PIP5K1B: variants seen among roughly 807,000 people sequenced by gnomAD.
PIP5K1B encodes the protein phosphatidylinositol-4-phosphate 5-kinase type 1 beta.
Under a neutral mutation model 67.0 loss-of-function variants are expected in PIP5K1B, and 42 were observed. The observed-to-expected ratio is 0.63, with a 90% CI of 0.49 to 0.81. PIP5K1B has a LOEUF of 0.81. Among genes scored for constraint, PIP5K1B ranks in the 30% least tolerant of loss-of-function variants. PIP5K1B has a pLI of 0.00. For synonymous variants in PIP5K1B, 214 were observed against 231.4 expected, an observed-to-expected ratio of 0.92 and a Z score of 0.68; for missense variants, 459 against 646.3, an observed-to-expected ratio of 0.71 and a Z score of 3.14.
chr9:68,835,047 G>A (rs1445180428), intron 4 of PIP5K1B, among the ~76,000 whole-genome samples: 2 of 152,192 alleles, frequency 1.3e-5, no homozygotes, highest in Admixed American at 6.5e-5. Context: ...ATTTGGGATC[G>A]TTTGGCAGCC....
intron 8 of PIP5K1B, among the ~76,000 whole-genome samples, chr9:68,907,382 C>T (rs1433768245): frequency 1.3e-5 from 2 of 152,032 alleles, no homozygotes; most frequent in Non-Finnish European, 2.9e-5. Context: ...CATGTTGAGC[C>T]ACTCTTGTAC....
intron 14 of PIP5K1B, among the ~76,000 whole-genome samples, chr9:68,945,630 C>T (rs1827766718): frequency 6.6e-6 from 1 of 152,084 alleles, no homozygotes; most frequent in African/African-American, 2.4e-5. Flanking sequence ...CATGTTAAGC[C>T]CTTTATACAT....
chr9:68,957,036 G>A (rs1344157242), intron 14 of PIP5K1B, among the ~76,000 whole-genome samples: 1 of 152,148 alleles, frequency 6.6e-6, no homozygotes, highest in Non-Finnish European at 1.5e-5. Context: ...TTAAAGTCCA[G>A]GTATATGCAG....
At chr9:68,845,289 C>A (rs1007546658) in intron 4 of PIP5K1B, among the ~76,000 whole-genome samples, 25 of 152,146 alleles carry the variant, frequency 1.6e-4, no homozygotes, top group African/African-American at 6.0e-4. Context: ...AAATCAGGAC[C>A]ACAGTCATTG....
intron 2 of PIP5K1B, among the ~76,000 whole-genome samples, chr9:68,767,816 G>A (rs1830505841): frequency 6.6e-6 from 1 of 151,966 alleles, no homozygotes; most frequent in Non-Finnish European, 1.5e-5. Context: ...GTGGTTACAT[G>A]ACTGTTTAAG....
intron 2 of PIP5K1B, among the ~76,000 whole-genome samples, chr9:68,816,659 A>G (rs1183837550): frequency 6.6e-6 from 1 of 152,238 alleles, no homozygotes; most frequent in Non-Finnish European, 1.5e-5. Context: ...AATGTATGCT[A>G]AAGGTGGCTT....
intron 15 of PIP5K1B, among the ~76,000 whole-genome samples, chr9:68,993,433 G>T (rs1432456385): frequency 6.6e-6 from 1 of 151,708 alleles, no homozygotes; most frequent in African/African-American, 2.4e-5. Flanking sequence ...TTTCTTGACC[G>T]CCCCCTACGT....
In PIP5K1B at chr9:68,725,438, C is replaced by G. The variant is rs74387507; in HGVS notation, c.-242-17063C>G. ...AAATGAACTGAGGACCTTTGAGGTC[C>G]TTAGAACAAAAGCATTGCACACATT... On this transcript the variant is annotated intron_variant, in intron 1 of 15. Transcript: ENST00000265382. 6.8e-3 allele frequency among the ~76,000 whole-genome samples: 1,042 copies of G among 152,280 alleles called. 9 individuals carry two copies. The highest frequency in any genetic ancestry group is 0.023 in the African/African-American group (956 of 41,548).
chr9:68,959,221 A>G (rs1283776723), intron 14 of PIP5K1B, among the ~76,000 whole-genome samples: 5 of 152,232 alleles, frequency 3.3e-5, no homozygotes, highest in Non-Finnish European at 7.3e-5. Context: ...CCACTACCTT[A>G]ATACAATCAT....
chr9:68,781,311 T>C, intron 2 of PIP5K1B: 1 of 306,498 alleles, frequency 3.3e-6, no homozygotes, highest in South Asian at 6.1e-5. Flanking sequence ...ATCCCTTGAT[T>C]TTTTTAAATA....
At chr9:68,780,032 G>T (rs1330127357) in intron 2 of PIP5K1B, 9 of 1,249,086 alleles carry the variant, frequency 7.2e-6, no homozygotes, top group Non-Finnish European at 8.4e-6. Flanking sequence ...TGCGCGAAGG[G>T]CTACGCATGC....
At chr9:68,746,576 T>C (rs1829322182) in intron 2 of PIP5K1B, among the ~76,000 whole-genome samples, 1 of 152,218 alleles carries the variant, frequency 6.6e-6, no homozygotes, top group Non-Finnish European at 1.5e-5. Flanking sequence ...CACCCCATGT[T>C]ACAGATACCC....
intron 2 of PIP5K1B, among the ~76,000 whole-genome samples, chr9:68,748,266 A>G (rs1472062902): frequency 1.3e-5 from 2 of 152,304 alleles, no homozygotes; most frequent in Non-Finnish European, 2.9e-5. Context: ...ATATCAAAAC[A>G]TTTCTGGGAT....
intron 14 of PIP5K1B, among the ~76,000 whole-genome samples, chr9:68,982,142 C>G (rs559653754): frequency 7.2e-5 from 11 of 152,170 alleles, no homozygotes; most frequent in Non-Finnish European, 1.5e-4. Context: ...AACCCAGTCA[C>G]GTAAATTTGC....
intron 4 of PIP5K1B, among the ~76,000 whole-genome samples, chr9:68,830,793 A>G (rs7866988): frequency 0.94 from 143,250 of 152,214 alleles, 67,633 homozygotes; most frequent in Non-Finnish European, 0.98. Context: ...ACTGTGGCCC[A>G]TGTTCTCAGG....
chr9:68,753,302 G>T, intron 2 of PIP5K1B, among the ~76,000 whole-genome samples: 1 of 149,224 alleles, frequency 6.7e-6, no homozygotes. Flanking sequence ...AGCCCTATCT[G>T]AATGGTTAAA....
chr9:68,967,913 C>G (rs1182199454), intron 14 of PIP5K1B, among the ~76,000 whole-genome samples: 4 of 147,416 alleles, frequency 2.7e-5, no homozygotes, highest in African/African-American at 1.0e-4. Context: ...ATGTGCATTC[C>G]CAACAGGACT....
At chr9:68,930,208 G>C (rs1826923171) in intron 12 of PIP5K1B, among the ~76,000 whole-genome samples, 1 of 152,024 alleles carries the variant, frequency 6.6e-6, no homozygotes, top group Admixed American at 6.6e-5. Context: ...GTAATTCCCT[G>C]TTCTCCCAAG....
chr9:68,900,138 G>A (rs1184439158), intron 8 of PIP5K1B, among the ~76,000 whole-genome samples: 2 of 152,188 alleles, frequency 1.3e-5, no homozygotes, highest in Non-Finnish European at 2.9e-5. Flanking sequence ...TGTTGCGTAT[G>A]TACCATATTT....
Sources: allele counts gnomAD v4.1 joint callset (sites outside exome capture counted in the v4.1 genomes callset), GRCh38; gene constraint gnomAD v4.1.1; transcripts MANE v1.5; gene names NCBI Gene and HGNC (gene_info 2026-07-23, HGNC 2026-07-21).